YIPF6: variants seen among roughly 807,000 people sequenced by gnomAD.
YIPF6 encodes protein YIPF6.
Under a neutral mutation model 16.8 loss-of-function variants are expected in YIPF6, and 3 were observed. The ratio of observed to expected loss-of-function variants is 0.18; its 90% confidence interval spans 0.08 to 0.46. YIPF6 has a LOEUF of 0.46. Ranked by LOEUF, YIPF6 falls within the 20% of genes least tolerant of loss-of-function variation. YIPF6 has a pLI of 0.98. For synonymous variants in YIPF6, 67 were observed against 61.9 expected, an observed-to-expected ratio of 1.08 and a Z score of -0.38; for missense variants, 145 against 184.9, an observed-to-expected ratio of 0.78 and a Z score of 1.25.
intron 1 of YIPF6, among the ~76,000 whole-genome samples, chrX:68,506,560 TGTG>T (rs1000895182): frequency 9.1e-6 from 1 of 110,034 alleles, no homozygotes; most frequent in Non-Finnish European, 1.9e-5. Flanking sequence ...AGTAGCCTGG[TGTG>T]GTGGCACATG....
intron 3 of YIPF6, among the ~76,000 whole-genome samples, chrX:68,517,839 G>A (rs985070266): frequency 1.4e-4 from 15 of 109,302 alleles, no homozygotes; most frequent in African/African-American, 5.0e-4. Flanking sequence ...GGTGGCGTGT[G>A]CCTGTAGTCC....
Position 68,513,367 on chromosome X carries a change from T to C in YIPF6, c.227T>C (p.Val76Ala). 8.3e-7 allele frequency: 1 copy of C among 1,206,798 alleles called. No individual in the cohort carries two copies. The highest frequency in any genetic ancestry group is 3.0e-5 in the East Asian group (1 of 33,598). The change falls in exon 3 of 7, where the codon GTT (valine) becomes GCT (alanine). Residue 76 changes from valine (V) to alanine (A), a missense_variant. By Grantham distance (64) the Val-to-Ala change is moderately conservative. Coordinates refer to ENST00000462683, the MANE Select transcript of YIPF6 (RefSeq NM_173834.4). ...GCTGTTGGGAAAAAATTCATGCATG[T>C]TTTGTACCCAAGGAAAAGTAATACT... Reference protein sequence around the residue: ...LKAVGKKFMHVLYPRKSNTLL... With the variant: ...LKAVGKKFMHALYPRKSNTLL...
chrX:68,524,899 A>G (rs1191776854), intron 6 of YIPF6, among the ~76,000 whole-genome samples: 3 of 111,485 alleles, frequency 2.7e-5, no homozygotes, highest in African/African-American at 9.8e-5. Flanking sequence ...CATTTTCTTT[A>G]TCCAGTCTAT....
intron 1 of YIPF6, among the ~76,000 whole-genome samples, chrX:68,499,882 C>T (rs775503917): frequency 2.0e-4 from 23 of 112,265 alleles, no homozygotes; most frequent in Admixed American, 2.0e-3. Flanking sequence ...TCAAGCTATC[C>T]TCCTGCCTCG....
intron 1 of YIPF6, among the ~76,000 whole-genome samples, chrX:68,508,688 T>C (rs1294514101): frequency 8.9e-6 from 1 of 112,223 alleles, no homozygotes; most frequent in Non-Finnish European, 1.9e-5. Flanking sequence ...TTCCATCTCT[T>C]TGCAGAAATT....
At chrX:68,531,580 C>G (rs182260032) in intron 6 of YIPF6, among the ~76,000 whole-genome samples, 1 of 112,402 alleles carries the variant, frequency 8.9e-6, no homozygotes, top group East Asian at 2.8e-4. Context: ...AATAACCTTA[C>G]ACATCTTTGT....
chrX:68,517,872 A>G (rs1378404263), intron 3 of YIPF6, among the ~76,000 whole-genome samples: 2 of 108,675 alleles, frequency 1.8e-5, no homozygotes, highest in Non-Finnish European at 3.8e-5. Flanking sequence ...AGGCTGAGGT[A>G]GGAGGATCAC....
At chrX:68,527,669 C>T (rs1008423962) in intron 6 of YIPF6, among the ~76,000 whole-genome samples, 1 of 111,383 alleles carries the variant, frequency 9.0e-6, no homozygotes, top group African/African-American at 3.3e-5. Context: ...TGGTATGTTC[C>T]GTCTTTGTTC....
intron 1 of YIPF6, among the ~76,000 whole-genome samples, chrX:68,503,320 T>C (rs1404315344): frequency 8.9e-6 from 1 of 112,374 alleles, no homozygotes; most frequent in East Asian, 2.8e-4. Flanking sequence ...CTCTACCTGT[T>C]CCCCTTACTG....
At chrX:68,524,356 A>G (rs920360819) in intron 6 of YIPF6, among the ~76,000 whole-genome samples, 20 of 109,895 alleles carry the variant, frequency 1.8e-4, no homozygotes, top group Non-Finnish European at 2.3e-4. Flanking sequence ...TTTAGTAGAG[A>G]TGGGGTTTCA....
At chrX:68,528,077 T>C (rs2079156281) in intron 6 of YIPF6, among the ~76,000 whole-genome samples, 1 of 111,563 alleles carries the variant, frequency 9.0e-6, no homozygotes, top group Admixed American at 9.6e-5. Context: ...ATATTGACAG[T>C]GGGGTGTTAA....
chrX:68,506,846 C>T (rs1484612199), intron 1 of YIPF6, among the ~76,000 whole-genome samples: 1 of 111,409 alleles, frequency 9.0e-6, no homozygotes, highest in Non-Finnish European at 1.9e-5. Flanking sequence ...AACTTCTGGC[C>T]TGAAGGGACA....
rs1365237132 is a variant in YIPF6 at position 68,534,737 on chromosome X, C to A, written c.*2738C>A. On this transcript the variant is annotated 3_prime_UTR_variant, in exon 7 of 7. Transcript: ENST00000462683. ...GACCTAAATGTCTGGAAGTTGTAAC[C>A]CTCAACACAGCTTTTCCTGATTTGC... The A allele has an allele frequency of 1.8e-5, 2 of 111,846 alleles. No homozygotes were observed. The highest frequency in any genetic ancestry group is 6.5e-5 in the African/African-American group (2 of 30,800). 9.2% of individuals were successfully genotyped at this position (111,846 alleles called of 1,213,427 possible).
At chrX:68,516,405 G>A (rs189637309) in intron 3 of YIPF6, among the ~76,000 whole-genome samples, 1 of 111,228 alleles carries the variant, frequency 9.0e-6, no homozygotes, top group East Asian at 2.8e-4. Context: ...TGTACTAGAT[G>A]TCACTAGGTG....
chrX:68,500,935 A>G (rs2079038990), intron 1 of YIPF6, among the ~76,000 whole-genome samples: 1 of 111,710 alleles, frequency 9.0e-6, no homozygotes, highest in Admixed American at 9.6e-5. Context: ...TAATATATAC[A>G]TTGTGCCTAC....
At chrX:68,503,880 G>A (rs893202862) in intron 1 of YIPF6, among the ~76,000 whole-genome samples, 12 of 112,006 alleles carry the variant, frequency 1.1e-4, no homozygotes, top group African/African-American at 2.6e-4. Context: ...CACCATGCCC[G>A]GCTAACTTTT....
chrX:68,527,448 G>C lies in YIPF6; in HGVS notation c.593-4433G>C, dbSNP rs183084894. On this transcript the variant is annotated intron_variant, in intron 6 of 6. Transcript: ENST00000462683. ...TCCTGTATTCATTGATTTTTTGAAG[G>C]GTTTTTCTTGTCTCTATCTCCTTCA... Among the ~76,000 whole-genome samples the C allele has an allele frequency of 4.5e-5, 5 of 110,957 alleles. No homozygotes were observed. The East Asian group carries it at 1.4e-3, about 32-fold the overall frequency.
intron 6 of YIPF6, among the ~76,000 whole-genome samples, chrX:68,527,265 G>GCT (rs2079152534): frequency 1.8e-5 from 2 of 111,843 alleles, no homozygotes; most frequent in Non-Finnish European, 3.8e-5. Flanking sequence ...TTGCATAGAG[G>GCT]TATTTATAGT....
At chrX:68,515,187 G>A (rs1192250784) in intron 3 of YIPF6, 6 of 107,682 alleles carry the variant, frequency 5.6e-5, no homozygotes, top group Non-Finnish European at 1.2e-4. Context: ...TTAGCCGGGC[G>A]TGGTGGTGGG....
Sources: gnomAD v4.1 joint callset for allele counts (sites outside exome capture counted in the v4.1 genomes callset) on GRCh38, gnomAD v4.1.1 for gene constraint, MANE v1.5 for transcripts, NCBI Gene and HGNC (gene_info 2026-07-23, HGNC 2026-07-21) for gene names.